TENM4: variants seen among roughly 807,000 people sequenced by gnomAD.
The protein encoded by TENM4 is teneurin-4.
Under a neutral mutation model 243.3 loss-of-function variants are expected in TENM4, and 82 were observed. The ratio of observed to expected loss-of-function variants is 0.34; its 90% CI spans 0.28 to 0.40. The LOEUF (loss-of-function observed/expected upper bound fraction) is 0.40. Among genes scored for constraint, TENM4 ranks in the 10% least tolerant of loss-of-function variants. TENM4 has a pLI of 1.00. For synonymous variants in TENM4, 1,412 were observed against 1,456.3 expected, an observed-to-expected ratio of 0.97 and a Z score of 0.69; for missense variants, 3,138 against 3,673.3, an observed-to-expected ratio of 0.85 and a Z score of 3.77.
At chr11:79,019,714 C>A (rs1387076035) in intron 6 of TENM4, among the ~76,000 whole-genome samples, 1 of 152,158 alleles carries the variant, frequency 6.6e-6, no homozygotes, top group Non-Finnish European at 1.5e-5. Context: ...AAGATGCCAT[C>A]ATTATCTTCA....
intron 33 of TENM4, 68 bp downstream of exon 33, chr11:78,661,381 A>G: frequency 6.5e-7 from 1 of 1,548,290 alleles, no homozygotes; most frequent in Non-Finnish European, 8.7e-7. Flanking sequence ...CTTTTCTGAA[A>G]AGCTGAAGGG....
intron 1 of TENM4, among the ~76,000 whole-genome samples, chr11:79,421,121 G>A (rs1351848580): frequency 2.6e-5 from 4 of 152,162 alleles, no homozygotes; most frequent in Non-Finnish European, 4.4e-5. Context: ...AAAATCACAA[G>A]TAGAGGCATT....
intron 6 of TENM4, among the ~76,000 whole-genome samples, chr11:78,946,606 G>C (rs1301125630): frequency 6.6e-6 from 1 of 152,220 alleles, no homozygotes; most frequent in Admixed American, 6.5e-5. Flanking sequence ...AGCTGCCATA[G>C]ATAGTGATTC....
chr11:79,393,868 C>G (rs1352808140), intron 1 of TENM4, among the ~76,000 whole-genome samples: 1 of 152,082 alleles, frequency 6.6e-6, no homozygotes, highest in African/African-American at 2.4e-5. Context: ...GAGTGAGGAG[C>G]AGATGGCTGT....
chr11:78,761,992 G>A (rs1856440294), intron 18 of TENM4, among the ~76,000 whole-genome samples: 1 of 152,260 alleles, frequency 6.6e-6, no homozygotes, highest in Middle Eastern at 3.4e-3. Context: ...CTTGTTTCTA[G>A]AATCCAGGGC....
At chr11:79,071,541 A>C (rs1177581426) in intron 4 of TENM4, among the ~76,000 whole-genome samples, 1 of 152,180 alleles carries the variant, frequency 6.6e-6, no homozygotes, top group Non-Finnish European at 1.5e-5. Context: ...TAGATATAAA[A>C]GCTATGACTT....
rs1414251794 is a variant in TENM4, at chr11:78,951,375, C to T, written c.494-47852G>A. 7.2e-5 allele frequency among the ~76,000 whole-genome samples: 11 copies of T among 152,332 alleles called. No homozygotes were observed. In the East Asian group the frequency reaches 2.1e-3, roughly 29 times the overall value. ...GAATGAATGGAGGAAATAAACACTT[C>T]CAGACCCCACAATTAGGTTGGGAGC... On this transcript the variant is annotated intron_variant, in intron 6 of 33. Coordinates refer to ENST00000278550, the MANE Select transcript of TENM4 (RefSeq NM_001098816.3).
At chr11:79,075,688 G>A (rs1345347268) in intron 4 of TENM4, among the ~76,000 whole-genome samples, 3 of 152,214 alleles carry the variant, frequency 2.0e-5, no homozygotes, top group Non-Finnish European at 2.9e-5. Context: ...CTCCAATCAA[G>A]ACGAAGAGCA....
At position 78,975,367 on chromosome 11, in the gene TENM4, G is replaced by A. The variant is rs1176061318; in HGVS notation, c.494-71844C>T. On this transcript the variant is annotated intron_variant, in intron 6 of 33. Transcript: ENST00000278550. The stretch of plus-strand genomic sequence containing the variant: ...AGGCCAGTTTCCATGGGATGTGGGA[G>A]AGAGGAAACGCACAAAGCAAGCTGG... Among the ~76,000 whole-genome samples, 5 of 152,052 alleles carry A rather than the reference G, an allele frequency of 3.3e-5. No homozygotes were observed. In the East Asian group the frequency reaches 7.7e-4, roughly 24 times the overall value.
rs1016623744 is a variant in TENM4, at chr11:78,889,928, G to A, written c.941C>T (p.Pro314Leu). Reference sequence around the variant, plus strand: ...GGTGCTGCGGGGCAGGGGTCGGGGCGGAGGAGAGTACACTGTGCTGGACGT... The same window carrying A: ...GGTGCTGCGGGGCAGGGGTCGGGGCAGAGGAGAGTACACTGTGCTGGACGT... ...PLTSSTVYSP[P>L]PRPLPRSTFA... Residue 314 changes from proline (P) to leucine (L), a missense_variant, in exon 9 of 34, where the codon CCG (proline) becomes CTG (leucine). Physicochemically the swap from Pro to Leu is moderately conservative, Grantham distance 98. Coordinates refer to ENST00000278550, the MANE Select transcript of TENM4 (RefSeq NM_001098816.3). 44 of 1,551,600 alleles carry A rather than the reference G, an allele frequency of 2.8e-5. No individual in the cohort carries two copies. Among genetic ancestry groups the A allele is most frequent in the African/African-American group, 4.1e-5 (3 of 73,044 alleles).
At chr11:78,789,759 G>C (rs1251588759) in intron 15 of TENM4, among the ~76,000 whole-genome samples, 4 of 152,196 alleles carry the variant, frequency 2.6e-5, no homozygotes, top group Non-Finnish European at 5.9e-5. Context: ...GGGACCAAGA[G>C]AAGAGGCAGG....
At chr11:79,124,675 G>A (rs1000766632) in intron 4 of TENM4, among the ~76,000 whole-genome samples, 35 of 111,440 alleles carry the variant, frequency 3.1e-4, no homozygotes, top group Admixed American at 1.9e-3. Flanking sequence ...GTGTGTGTGT[G>A]TATACATACA....
intron 4 of TENM4, among the ~76,000 whole-genome samples, chr11:79,087,299 T>C (rs536829849): frequency 1.3e-5 from 2 of 152,330 alleles, no homozygotes; most frequent in South Asian, 2.1e-4. Flanking sequence ...TTTCCATGCA[T>C]TCCGAGGGTG....
In TENM4 at chr11:78,899,574, A is replaced by AGG. The variant is rs1855883538; in HGVS notation, c.749+3693_749+3694insCC. Among the ~76,000 whole-genome samples the AGG allele has an allele frequency of 1.7e-3, 121 of 71,504 alleles. 6 individuals are homozygous for AGG. Among genetic ancestry groups the AGG allele is most frequent in the East Asian group, 0.011 (18 of 1,598 alleles). The allele number at this position is 71,504 out of a possible 152,430, so 46.9% of individuals were successfully genotyped here. ...TCTCAAAAAGCGGGGGGGGGGGGAA[A>AGG]AAGAAAAAAGAAAGAAAATTTGATA... On this transcript the variant is annotated intron_variant, in intron 7 of 33. Coordinates refer to ENST00000278550, the MANE Select transcript of TENM4 (RefSeq NM_001098816.3).
chr11:78,925,343 G>A (rs1412951803), intron 6 of TENM4, among the ~76,000 whole-genome samples: 1 of 152,042 alleles, frequency 6.6e-6, no homozygotes, highest in East Asian at 1.9e-4. Flanking sequence ...GTGTGTGTGT[G>A]TTAGTAGTAG....
At chr11:78,775,465 A>C (rs956526433) in intron 17 of TENM4, among the ~76,000 whole-genome samples, 1 of 152,210 alleles carries the variant, frequency 6.6e-6, no homozygotes, top group African/African-American at 2.4e-5. Flanking sequence ...ATCCACAGTC[A>C]ATTTCTTCAA....
chr11:79,116,778 A>G (rs1466199855), intron 4 of TENM4, among the ~76,000 whole-genome samples: 2 of 152,210 alleles, frequency 1.3e-5, no homozygotes, highest in Non-Finnish European at 2.9e-5. Flanking sequence ...ATTCTGGATC[A>G]ACATCAGCCA....
chr11:79,192,327 G>C (rs1306028095), intron 3 of TENM4, among the ~76,000 whole-genome samples: 1 of 152,214 alleles, frequency 6.6e-6, no homozygotes, highest in African/African-American at 2.4e-5. Flanking sequence ...AATACAAAAG[G>C]GGGCAAGGCG....
At chr11:78,929,554 T>A (rs1856626144) in intron 6 of TENM4, among the ~76,000 whole-genome samples, 1 of 152,184 alleles carries the variant, frequency 6.6e-6, no homozygotes, top group African/African-American at 2.4e-5. Context: ...TCTTGGGGAC[T>A]ATGTGATGAA....
Sources: gnomAD v4.1 joint callset for allele counts (sites outside exome capture counted in the v4.1 genomes callset) on GRCh38, gnomAD v4.1.1 for gene constraint, MANE v1.5 for transcripts, NCBI Gene and HGNC (gene_info 2026-07-23, HGNC 2026-07-21) for gene names.